Variants in MARK3 observed in about 807,000 individuals in gnomAD.
MARK3 encodes MAP/microtubule affinity-regulating kinase 3.
In MARK3, 46 loss-of-function variants were observed where a neutral mutation model predicts 90.1. The ratio of observed to expected loss-of-function variants is 0.51; its 90% CI spans 0.40 to 0.65. The LOEUF is 0.65. MARK3 is among the 30% of genes least tolerant of loss of function. The pLI is 0.00. For missense variants in MARK3, 818 were observed against 947.2 expected, an observed-to-expected ratio of 0.86 and a Z score of 1.79; for synonymous variants, 321 against 332.6, an observed-to-expected ratio of 0.97 and a Z score of 0.38.
At chr14:103,428,506 C>A in intron 3 of MARK3, 66 bp downstream of exon 3, 1 of 824,240 alleles carries the variant, frequency 1.2e-6, no homozygotes, top group Non-Finnish European at 1.9e-6. Flanking sequence ...TCTAATTTGT[C>A]CCTTAAATAC....
At chr14:103,498,591 C>T (rs2075478054) in intron 16 of MARK3, 63 bp downstream of exon 16, 4 of 1,293,770 alleles carry the variant, frequency 3.1e-6, no homozygotes, top group Non-Finnish European at 4.0e-6. Context: ...CTGCAATTAA[C>T]ATTAGGTTTG....
At position 103,495,293 on chromosome 14, in the gene MARK3, A is replaced by G. The variant is rs185332844; in HGVS notation, c.1845-3209A>G. Among the ~76,000 whole-genome samples, 559 of 152,338 alleles carry G rather than the reference A, an allele frequency of 3.7e-3. 4 individuals carry two copies. Among genetic ancestry groups the G allele is most frequent in the Non-Finnish European group, 5.9e-3 (401 of 68,026 alleles). On this transcript the variant is annotated intron_variant, in intron 15 of 17. Coordinates refer to ENST00000429436, the MANE Select transcript of MARK3 (RefSeq NM_001128918.3). Reference sequence around the variant, plus strand: ...TCAGGAGTTCAAGACCAGCCTGGCCAACATGGTGAAACCCCATCTCTACTA... The same window carrying G: ...TCAGGAGTTCAAGACCAGCCTGGCCGACATGGTGAAACCCCATCTCTACTA...
intron 2 of MARK3, among the ~76,000 whole-genome samples, chr14:103,427,120 A>G (rs2092430905): frequency 6.6e-6 from 1 of 151,510 alleles, no homozygotes; most frequent in African/African-American, 2.4e-5. Context: ...ACTTAAATAT[A>G]AAATGTTATA....
At chr14:103,422,280 A>AC (rs2092249220) in intron 2 of MARK3, among the ~76,000 whole-genome samples, 2 of 152,162 alleles carry the variant, frequency 1.3e-5, no homozygotes, top group South Asian at 4.1e-4. Flanking sequence ...ATATGGTGAA[A>AC]CCCTGTCTCT....
intron 1 of MARK3, among the ~76,000 whole-genome samples, chr14:103,398,363 A>G (rs141399993): frequency 7.6e-4 from 115 of 152,316 alleles, no homozygotes; most frequent in Admixed American, 1.4e-3. Flanking sequence ...TTCCCTATCT[A>G]ACAGGCCTAA....
intron 2 of MARK3, among the ~76,000 whole-genome samples, chr14:103,424,982 C>T (rs1420512756): frequency 6.6e-6 from 1 of 152,014 alleles, no homozygotes; most frequent in Admixed American, 6.6e-5. Context: ...CGCTGTCTTG[C>T]CAGGCTGGAG....
chr14:103,482,388 G>A (rs1430943695), intron 14 of MARK3, among the ~76,000 whole-genome samples: 1 of 152,014 alleles, frequency 6.6e-6, no homozygotes, highest in Non-Finnish European at 1.5e-5. Context: ...ATGTGTGGTG[G>A]CACGCGCCTG....
chr14:103,404,534 A>C (rs542598190), intron 1 of MARK3, among the ~76,000 whole-genome samples: 2 of 152,220 alleles, frequency 1.3e-5, no homozygotes, highest in Admixed American at 6.5e-5. Context: ...TTATTCATCT[A>C]TACAACAAGG....
At chr14:103,425,760 C>T (rs886620000) in intron 2 of MARK3, among the ~76,000 whole-genome samples, 6 of 152,128 alleles carry the variant, frequency 3.9e-5, no homozygotes, top group African/African-American at 1.2e-4. Context: ...GTTTTTCAGG[C>T]GCACACACTC....
chr14:103,449,721 T>A (rs990665594), intron 4 of MARK3, among the ~76,000 whole-genome samples: 2 of 152,224 alleles, frequency 1.3e-5, no homozygotes, highest in African/African-American at 4.8e-5. Context: ...GACTTAATAC[T>A]GACCCAAGAA....
chr14:103,435,609 C>T (rs536859016), intron 3 of MARK3, among the ~76,000 whole-genome samples: 74 of 152,040 alleles, frequency 4.9e-4, no homozygotes, highest in African/African-American at 1.3e-3. Flanking sequence ...GGGGTTTCAC[C>T]GTGTTAGCCA....
intron 14 of MARK3, chr14:103,490,817 C>A: frequency 5.1e-6 from 2 of 392,826 alleles, no homozygotes; most frequent in Non-Finnish European, 7.2e-6. Context: ...CCAAAACAAG[C>A]TTAGGAGATT....
chr14:103,465,143 T>C (rs567612022), intron 7 of MARK3, among the ~76,000 whole-genome samples: 55 of 152,282 alleles, frequency 3.6e-4, no homozygotes, highest in East Asian at 7.7e-4. Context: ...GATTTTTGTA[T>C]TTTTAGTAAA....
chr14:103,398,432 T>C (rs1390123575), intron 1 of MARK3, among the ~76,000 whole-genome samples: 1 of 152,240 alleles, frequency 6.6e-6, no homozygotes, highest in Non-Finnish European at 1.5e-5. Context: ...AATCTCTTTA[T>C]ACATTCCTTG....
intron 3 of MARK3, among the ~76,000 whole-genome samples, chr14:103,440,644 G>T (rs953292031): frequency 6.6e-6 from 1 of 151,924 alleles, no homozygotes; most frequent in Non-Finnish European, 1.5e-5. Context: ...ATATAAAAGT[G>T]ATATTTGGCC....
rs2089792655 is a variant in MARK3, at chr14:103,386,328, T to C, written c.51+248T>C. On this transcript the variant is annotated intron_variant, in intron 1 of 17. Coordinates refer to ENST00000429436, the MANE Select transcript of MARK3 (RefSeq NM_001128918.3). ...CTAGTCGGTTAATAAAGCCCAGGAG[T>C]TGCAGCGTTACGGATCGGTGCTTTG... 3 of 695,418 alleles carry C rather than the reference T, an allele frequency of 4.3e-6. No homozygotes were observed. In the East Asian group the frequency reaches 8.1e-5, roughly 19 times the overall value. 43.1% of individuals were successfully genotyped at this position (695,418 alleles called of 1,614,324 possible). A position where few individuals can be genotyped will look rare whatever the true frequency, so the allele number is the denominator to read the frequency against.
In MARK3 at chr14:103,503,813, T is replaced by C. The variant is rs1477459315; in HGVS notation, c.*586T>C. On this transcript the variant is annotated 3_prime_UTR_variant, in exon 18 of 18. Coordinates refer to ENST00000429436, the MANE Select transcript of MARK3 (RefSeq NM_001128918.3). ...GTAGATTCACAAGATAATTAAAAATTCACTTTTTCTCAGTAAAATCTTGCA... is the reference window on the plus strand; with the variant it reads ...GTAGATTCACAAGATAATTAAAAATCCACTTTTTCTCAGTAAAATCTTGCA... The C allele has an allele frequency of 6.5e-6, 1 of 153,044 alleles. No individual in the cohort carries two copies. Among genetic ancestry groups the C allele is most frequent in the Non-Finnish European group, 1.5e-5 (1 of 68,406 alleles). 9.5% of individuals were successfully genotyped at this position (153,044 alleles called of 1,614,324 possible).
chr14:103,409,654 T>C (rs905750470), intron 2 of MARK3, among the ~76,000 whole-genome samples: 10 of 152,164 alleles, frequency 6.6e-5, no homozygotes, highest in African/African-American at 2.2e-4. Flanking sequence ...GTTTTTTATA[T>C]AGACATTAAC....
intron 5 of MARK3, among the ~76,000 whole-genome samples, chr14:103,456,268 C>T (rs1004356633): frequency 6.6e-6 from 1 of 152,102 alleles, no homozygotes; most frequent in Admixed American, 6.6e-5. Context: ...TGTCCCTTCC[C>T]GTCATTGGAA....
Sources: allele counts gnomAD v4.1 joint callset (sites outside exome capture counted in the v4.1 genomes callset), GRCh38; gene constraint gnomAD v4.1.1; transcripts MANE v1.5; gene names NCBI Gene and HGNC (gene_info 2026-07-23, HGNC 2026-07-21).